The following ROS1 variants were observed in gnomAD, a reference collection of about 807,000 sequenced individuals.
The protein encoded by ROS1 is proto-oncogene tyrosine-protein kinase ROS.
ROS1 carries 263 observed loss-of-function variants against 273.5 expected under a neutral mutation model. The observed-to-expected ratio is 0.96, with a 90% CI of 0.87 to 1.06. The LOEUF is 1.06. ROS1 is among the 50% of genes least tolerant of loss of function. The probability of loss-of-function intolerance (pLI) is 0.00; values close to 1 mark genes in which losing one functional copy is unlikely to be tolerated. For synonymous variants in ROS1, 1,008 were observed against 954.1 expected (o/e 1.06, Z -1.04); for missense variants, 2,833 against 2,751.1 (o/e 1.03, Z -0.67).
rs1469221153 is a variant in ROS1 at position 117,353,093 on chromosome 6, C to A, written c.4200G>T (p.Gln1400His). ...YWIITAKDST[Q>H]IYQAKKGNGA... ...CATTTCCTTTCTTTGCCTGATAAATCTGTGTGCTGTCCTTTGCTGTGATGA... is the reference window on the plus strand; with the variant it reads ...CATTTCCTTTCTTTGCCTGATAAATATGTGTGCTGTCCTTTGCTGTGATGA... Residue 1400 changes from glutamine to histidine, a missense_variant, in exon 27 of 44, where the codon CAG becomes CAT. Transcript: ENST00000368507. 2 of 1,614,028 alleles carry A rather than the reference C, an allele frequency of 1.2e-6. No individual in the cohort carries two copies. The highest frequency in any genetic ancestry group is 1.7e-6 in the Non-Finnish European group (2 of 1,180,006).
At chr6:117,306,262 C>A (rs1775093402) in intron 42 of ROS1, among the ~76,000 whole-genome samples, 1 of 152,060 alleles carries the variant, frequency 6.6e-6, no homozygotes, top group Admixed American at 6.6e-5. Context: ...CTGGAGAGAT[C>A]CGATTAGTAT....
chr6:117,342,507 T>C lies in ROS1; in HGVS notation c.4544A>G (p.Gln1515Arg). The C allele has an allele frequency of 3.1e-6, 5 of 1,600,600 alleles. No homozygotes were observed. The highest frequency in any genetic ancestry group is 4.3e-6 in the Non-Finnish European group (5 of 1,169,590). The part of the protein sequence containing the change: ...QDSIALIEDL[Q>R]PFSTYMIQIA... ...CTGTATCATGTATGTTGAAAATGGT[T>C]GTAAATCTTCAATAAGAGCTATACT... Residue 1515 changes from glutamine to arginine, a missense_variant, in exon 29 of 44, where the codon CAA (glutamine) becomes CGA (arginine). Physicochemically the swap from Gln to Arg is conservative, Grantham distance 43. Coordinates refer to ENST00000368507, the MANE Select transcript of ROS1 (RefSeq NM_001378902.1).
intron 5 of ROS1, among the ~76,000 whole-genome samples, chr6:117,407,147 C>A (rs2128730860): frequency 6.6e-6 from 1 of 152,248 alleles, no homozygotes. Flanking sequence ...AGGGCAGAAG[C>A]AAATCAGAAC....
intron 36 of ROS1, 46 bp from the exon 37 acceptor site, chr6:117,320,076 G>C (rs2128559345): frequency 6.5e-7 from 1 of 1,545,944 alleles, no homozygotes; most frequent in Non-Finnish European, 8.9e-7. Flanking sequence ...CACATATATA[G>C]GGTGTACAAG....
chr6:117,378,139 A>G (rs1781490744), intron 18 of ROS1, among the ~76,000 whole-genome samples: 1 of 152,190 alleles, frequency 6.6e-6, no homozygotes, highest in Non-Finnish European at 1.5e-5. Flanking sequence ...ATAAACATCT[A>G]TCTACCCTAT....
chr6:117,371,677 G>A (rs1300324746), intron 18 of ROS1, among the ~76,000 whole-genome samples: 1 of 152,204 alleles, frequency 6.6e-6, no homozygotes, highest in African/African-American at 2.4e-5. Flanking sequence ...TCAGCAGGGA[G>A]GCTTGTAACC....
chr6:117,293,577 A>G (rs1207215180), intron 43 of ROS1, among the ~76,000 whole-genome samples: 1 of 152,136 alleles, frequency 6.6e-6, no homozygotes, highest in Non-Finnish European at 1.5e-5. Flanking sequence ...TATTTTTTAT[A>G]ATAAACATAA....
At chr6:117,381,962 C>T (rs1374099431) in intron 17 of ROS1, among the ~76,000 whole-genome samples, 2 of 152,008 alleles carry the variant, frequency 1.3e-5, no homozygotes, top group Non-Finnish European at 2.9e-5. Flanking sequence ...GGGGAAGTCC[C>T]CAAGGTCACA....
At chr6:117,342,263 A>C in intron 29 of ROS1, 137 bp downstream of exon 29, 1 of 802,606 alleles carries the variant, frequency 1.2e-6, no homozygotes, top group Admixed American at 3.0e-5. Flanking sequence ...TTTTCTACAA[A>C]CACATTTTTC....
intron 16 of ROS1, among the ~76,000 whole-genome samples, chr6:117,384,826 G>C (rs955292067): frequency 1.3e-5 from 2 of 152,156 alleles, no homozygotes; most frequent in African/African-American, 4.8e-5. Flanking sequence ...CAGATTAGAG[G>C]GCAGGAGGAA....
Position 117,341,186 on chromosome 6 carries a change from C to T in ROS1, c.5010G>A (p.Trp1670Ter), listed in dbSNP as rs2128621515. The stretch of plus-strand genomic sequence containing the variant: ...TGAGGTTAACATTCAATGGAGCCTT[C>T]CAATTAAATTGCAAACTAGTGTTCT... ...VPENTSLQFN[W>*]KAPLNVNLIR... The change falls in exon 31 of 44, where the codon TGG (tryptophan) becomes TGA (stop). Residue 1670 changes from tryptophan (W) to a stop codon, truncating the protein, a stop_gained. Coordinates refer to ENST00000368507, the MANE Select transcript of ROS1 (RefSeq NM_001378902.1). LOFTEE classifies it high-confidence loss of function. The T allele has an allele frequency of 6.2e-7, 1 of 1,613,328 alleles. No individual in the cohort carries two copies. Among genetic ancestry groups the T allele is most frequent in the South Asian group, 1.1e-5 (1 of 91,022 alleles).
chr6:117,371,114 A>T (rs1273736339), intron 18 of ROS1, among the ~76,000 whole-genome samples: 1 of 152,204 alleles, frequency 6.6e-6, no homozygotes, highest in Non-Finnish European at 1.5e-5. Flanking sequence ...AGATGGACAG[A>T]GCGGCATGTG....
intron 43 of ROS1, among the ~76,000 whole-genome samples, chr6:117,293,405 A>T (rs1212272095): frequency 1.3e-5 from 2 of 152,226 alleles, no homozygotes; most frequent in Admixed American, 1.3e-4. Flanking sequence ...TCCAGATAGT[A>T]TATATACAAA....
chr6:117,303,071 T>G (rs181273193), intron 42 of ROS1, among the ~76,000 whole-genome samples: 175 of 152,316 alleles, frequency 1.1e-3, no homozygotes, highest in African/African-American at 3.9e-3. Flanking sequence ...TAAAATCTAG[T>G]ACTTAAAACA....
In ROS1 at chr6:117,341,738, T is replaced by C. The variant is rs564439639; in HGVS notation, c.4652-106A>G. The C allele has an allele frequency of 1.2e-3, 900 of 755,146 alleles. 10 individuals carry two copies. The South Asian group carries it at 0.013, about 11-fold the overall frequency. 46.8% of individuals were successfully genotyped at this position (755,146 alleles called of 1,614,324 possible). On this transcript the variant is annotated intron_variant, in intron 29 of 43. Transcript: ENST00000368507. ...GAGTAATCATGTGGTATGAGCAGAA[T>C]AAATAACACATGTCCAGAAAGAAAG...
In ROS1 at chr6:117,353,130, A is replaced by T; in HGVS notation, c.4163T>A (p.Leu1388His). Residue 1388 changes from leucine (L) to histidine (H), a missense_variant, in exon 27 of 44, where the codon CTT becomes CAT. Coordinates refer to ENST00000368507, the MANE Select transcript of ROS1 (RefSeq NM_001378902.1). ...CTTTGCTGTGATGATCCAGTATATAAGATCTCCATCCACAGTTAAGCTAAC... is the reference window on the plus strand; with the variant it reads ...CTTTGCTGTGATGATCCAGTATATATGATCTCCATCCACAGTTAAGCTAAC... ...TLVSLTVDGD[L>H]IYWIITAKDS... 6.2e-7 allele frequency: 1 copy of T among 1,613,456 alleles called. No homozygotes were observed. Among genetic ancestry groups the T allele is most frequent in the Non-Finnish European group, 8.5e-7 (1 of 1,179,656 alleles).
rs1773212536 is a variant in ROS1 at position 117,393,261 on chromosome 6, T to A, written c.1252A>T (p.Ser418Cys). The A allele has an allele frequency of 6.2e-7, 1 of 1,611,786 alleles. No individual in the cohort carries two copies. Among genetic ancestry groups the A allele is most frequent in the Non-Finnish European group, 8.5e-7 (1 of 1,178,058 alleles). The stretch of plus-strand genomic sequence containing the variant: ...TCAGCCACAATTTTTTGAGGTGCAC[T>A]AATAGAGGGTGGAGTAATTTCCTCG... Reference protein sequence around the residue: ...NIEEITPPSISAPQKIVADSY... With the variant: ...NIEEITPPSICAPQKIVADSY... The change falls in exon 12 of 44, where the codon AGT becomes TGT. Residue 418 changes from serine (S) to cysteine (C), a missense_variant. Ser to Cys is a moderately radical substitution (Grantham distance 112). Transcript: ENST00000368507.
intron 33 of ROS1, among the ~76,000 whole-genome samples, chr6:117,326,899 GGCTCGTT>G (rs1776681559): frequency 6.6e-6 from 1 of 152,164 alleles, no homozygotes; most frequent in Non-Finnish European, 1.5e-5. Flanking sequence ...GAGATTCTGA[GGCTCGTT>G]GCTTCCTTTT....
rs758013138 is a variant in ROS1 at position 117,394,168 on chromosome 6, A to G, written c.1185T>C (p.Asp395=). 1 of 1,585,844 alleles carries G rather than the reference A, an allele frequency of 6.3e-7. No individual in the cohort carries two copies. The highest frequency in any genetic ancestry group is 8.6e-7 in the Non-Finnish European group (1 of 1,166,672). Residue 395 remains aspartate, a synonymous_variant, in exon 11 of 44, where the codon GAT becomes GAC. Coordinates refer to ENST00000368507, the MANE Select transcript of ROS1 (RefSeq NM_001378902.1). The stretch of plus-strand genomic sequence containing the variant: ...TTTAACTTCTCGGACTAACCAGTTC[A>G]TCCATGATGAAATACATTCTTTGAT... The part of the protein sequence containing the change: ...WLYQRMYFIM[D]ELVCVCDLEN...
Sources: allele counts gnomAD v4.1 joint callset (sites outside exome capture counted in the v4.1 genomes callset), GRCh38; gene constraint gnomAD v4.1.1; transcripts MANE v1.5; gene names NCBI Gene and HGNC (gene_info 2026-07-23, HGNC 2026-07-21).